The following TET2 variants were observed in gnomAD, a reference collection of about 807,000 sequenced individuals.
The protein encoded by TET2 is tet methylcytosine dioxygenase 2.
Under a neutral mutation model 142.9 loss-of-function variants are expected in TET2, and 299 were observed. The ratio of observed to expected loss-of-function variants is 2.09; its 90% confidence interval spans 1.90 to 2.30. The LOEUF is 2.30. TET2 is among the 30% of genes most tolerant of loss of function. The pLI, the probability that TET2 is intolerant of heterozygous loss-of-function variation, is 0.00. For missense variants in TET2, 2,418 were observed against 2,378.0 expected (o/e 1.02, Z -0.35); for synonymous variants, 819 against 849.0 (o/e 0.96, Z 0.61).
intron 2 of TET2, among the ~76,000 whole-genome samples, chr4:105,211,521 G>C (rs1315198784): frequency 6.6e-6 from 1 of 152,212 alleles, no homozygotes; most frequent in Non-Finnish European, 1.5e-5. Context: ...CCGAGGCAGA[G>C]GAGGGCCATT....
intron 1 of TET2, among the ~76,000 whole-genome samples, chr4:105,166,290 C>T (rs1333241008): frequency 1.3e-5 from 2 of 152,080 alleles, no homozygotes; most frequent in Admixed American, 1.3e-4. Flanking sequence ...TTCAGTTCCT[C>T]AAAATTATGC....
At chr4:105,146,458 C>G (rs924519531), upstream of TET2, 1 of 152,398 alleles carries the variant, frequency 6.6e-6, no homozygotes, top group East Asian at 1.9e-4. Context: ...CGCACCACTC[C>G]CCCCGCGCCA....
chr4:105,263,281 A>G (rs560397232), intron 8 of TET2, among the ~76,000 whole-genome samples: 27 of 152,314 alleles, frequency 1.8e-4, no homozygotes, highest in Admixed American at 1.2e-3. Flanking sequence ...TGGAAGGGTA[A>G]AGTGATGTAA....
chr4:105,258,321 T>C (rs1560562615), intron 6 of TET2, among the ~76,000 whole-genome samples: 1 of 152,224 alleles, frequency 6.6e-6, no homozygotes, highest in South Asian at 2.1e-4. Flanking sequence ...TCATTTCTAA[T>C]TGTAAAATTC....
Position 105,235,874 on chromosome 4 carries a change from A to AG in TET2, c.1934dup (p.Thr646TyrfsTer35). ...TTGAAATGAATCAAGGGCAGTCCCA[A>AG]GGTACAGTGGACCAACATCTCCAGT... On this transcript the variant is annotated frameshift_variant, in exon 3 of 11. Transcript: ENST00000380013. LOFTEE classifies it high-confidence loss of function. 6.2e-7 allele frequency: 1 copy of AG among 1,614,014 alleles called. No homozygotes were observed. Among genetic ancestry groups the AG allele is most frequent in the Non-Finnish European group, 8.5e-7 (1 of 1,179,990 alleles).
At chr4:105,204,266 C>CACACACACACAT (rs1443852779) in intron 2 of TET2, among the ~76,000 whole-genome samples, 3 of 140,096 alleles carry the variant, frequency 2.1e-5, no homozygotes, top group African/African-American at 9.2e-5. Flanking sequence ...CACACACACA[C>CACACACACACAT]ACATACATAC....
At chr4:105,263,947 T>C (rs1171282487) in intron 8 of TET2, among the ~76,000 whole-genome samples, 1 of 152,030 alleles carries the variant, frequency 6.6e-6, no homozygotes, top group Non-Finnish European at 1.5e-5. Context: ...GAGCAATAGG[T>C]ATGGGGCTCT....
intron 3 of TET2, chr4:105,239,081 T>TGTGTTTTTTG (rs1553914846): frequency 4.4e-6 from 1 of 225,980 alleles, no homozygotes. Flanking sequence ...TTTGTTTTTT[T>TGTGTTTTTTG]TTTTTGTTTT....
At chr4:105,187,178 T>C (rs983345737) in intron 1 of TET2, among the ~76,000 whole-genome samples, 1 of 152,196 alleles carries the variant, frequency 6.6e-6, no homozygotes, top group African/African-American at 2.4e-5. Context: ...TAGTTAAAAA[T>C]GTGATACCAA....
intron 1 of TET2, among the ~76,000 whole-genome samples, chr4:105,163,857 G>C (rs1227958907): frequency 7.7e-6 from 1 of 129,596 alleles, no homozygotes; most frequent in African/African-American, 2.9e-5. Flanking sequence ...GAGAGAGAGT[G>C]TGTGTGTGTG....
intron 1 of TET2, among the ~76,000 whole-genome samples, chr4:105,166,963 G>A (rs1724185701): frequency 6.6e-6 from 1 of 152,096 alleles, no homozygotes; most frequent in African/African-American, 2.4e-5. Flanking sequence ...GTACAATCTG[G>A]AAACAACTGC....
At chr4:105,224,311 A>G (rs72955193) in intron 2 of TET2, among the ~76,000 whole-genome samples, 2,048 of 152,262 alleles carry the variant, frequency 0.013, 46 homozygotes, top group African/African-American at 0.045. Context: ...ACAGTCCTAA[A>G]TGCATATTGG....
chr4:105,172,113 CGT>C (rs559341658), intron 1 of TET2, among the ~76,000 whole-genome samples: 1 of 151,942 alleles, frequency 6.6e-6, no homozygotes, highest in African/African-American at 2.4e-5. Context: ...AGTAGGGATG[CGT>C]GTGTGTGTGT....
intron 2 of TET2, among the ~76,000 whole-genome samples, chr4:105,196,969 G>A (rs1486050546): frequency 2.0e-5 from 3 of 152,112 alleles, no homozygotes. Flanking sequence ...TACAGCACTT[G>A]CCCACTAAGT....
chr4:105,164,254 T>G (rs1724037389), intron 1 of TET2, among the ~76,000 whole-genome samples: 1 of 152,190 alleles, frequency 6.6e-6, no homozygotes, highest in Non-Finnish European at 1.5e-5. Context: ...TTCGACTTCT[T>G]TAGATTCCAC....
chr4:105,268,333 CAA>C (rs145062396), intron 8 of TET2, among the ~76,000 whole-genome samples: 1 of 151,890 alleles, frequency 6.6e-6, no homozygotes, highest in South Asian at 2.1e-4. Context: ...ATACATTTGA[CAA>C]AAATGTATAA....
rs1239569919 is a variant in TET2 at position 105,242,872 on chromosome 4, T to A, written c.3539T>A (p.Val1180Asp). The change falls in exon 5 of 11, where the codon GTC becomes GAC. Residue 1180 changes from valine to aspartate, a missense_variant. Val to Asp is a radical substitution (Grantham distance 152, BLOSUM62 -3). Transcript: ENST00000380013. ...GGTAAAGCTATTAGGATTGAAAGAG[T>A]CATCTATACTGGTAAAGAAGGCAAA... ...QKGKAIRIERVIYTGKEGKSS... is the reference protein window; with the variant it reads ...QKGKAIRIERDIYTGKEGKSS... The A allele has an allele frequency of 2.6e-6, 4 of 1,551,366 alleles. No individual in the cohort carries two copies. Among genetic ancestry groups the A allele is most frequent in the Non-Finnish European group, 2.6e-6 (3 of 1,146,870 alleles).
At chr4:105,245,332 ATTT>A (rs879597005) in intron 6 of TET2, among the ~76,000 whole-genome samples, 2 of 144,358 alleles carry the variant, frequency 1.4e-5, no homozygotes, top group East Asian at 2.0e-4. Flanking sequence ...TTAAGCATAA[ATTT>A]TTTTTTTTTT....
At chr4:105,153,740 A>G (rs371930306) in intron 1 of TET2, among the ~76,000 whole-genome samples, 7 of 152,248 alleles carry the variant, frequency 4.6e-5, no homozygotes, top group African/African-American at 1.7e-4. Flanking sequence ...TTTAATCACT[A>G]TATTATACTT....
Sources: gnomAD v4.1 joint callset for allele counts (sites outside exome capture counted in the v4.1 genomes callset) on GRCh38, gnomAD v4.1.1 for gene constraint, MANE v1.5 for transcripts, NCBI Gene and HGNC (gene_info 2026-07-23, HGNC 2026-07-21) for gene names.